Variants in POU2F2 observed in about 807,000 individuals in gnomAD.
POU2F2 encodes POU class 2 homeobox 2, also known as POU domain, class 2, transcription factor 2.
Under a neutral mutation model 63.5 loss-of-function variants are expected in POU2F2, and 14 were observed. The ratio of observed to expected loss-of-function variants is 0.22; its 90% confidence interval spans 0.15 to 0.34. The LOEUF (loss-of-function observed/expected upper bound fraction) is 0.34. Ranked by LOEUF, POU2F2 falls within the 10% of genes least tolerant of loss-of-function variation. The pLI, the probability that POU2F2 is intolerant of heterozygous loss-of-function variation, is 1.00. For synonymous variants in POU2F2, 306 were observed against 348.6 expected, an observed-to-expected ratio of 0.88 and a Z score of 1.36; for missense variants, 607 against 815.2, an observed-to-expected ratio of 0.74 and a Z score of 3.11.
At chr19:42,177,333 G>C (rs567840213), upstream of POU2F2, 1 of 153,170 alleles carries the variant, frequency 6.5e-6, no homozygotes, top group South Asian at 1.8e-4. Flanking sequence ...CTGAGCTGCC[G>C]GCGCGAGCCC....
intron 1 of POU2F2, among the ~76,000 whole-genome samples, chr19:42,194,488 G>A (rs778264782): frequency 3.3e-5 from 5 of 151,834 alleles, no homozygotes; most frequent in South Asian, 2.1e-4. Context: ...ATCGGGTGCC[G>A]TGGCTCATGC....
In POU2F2 at chr19:42,095,159, G is replaced by T; in HGVS notation, c.1197+127C>A. On this transcript the variant is annotated intron_variant, in intron 11 of 14. Transcript: ENST00000692977. This position sits in a 1 kb window ranked among gnomAD's most constrained non-coding sequence, Gnocchi z 7.1. ...TGTAACTGTGCCCATCTACGTGATG[G>T]CCTGTCTCCAAGAGTGACTCTTCTT... 1 of 1,211,796 alleles carries T rather than the reference G, an allele frequency of 8.3e-7. No homozygotes were observed. The highest frequency in any genetic ancestry group is 1.1e-6 in the Non-Finnish European group (1 of 893,070). 75.1% of individuals were successfully genotyped at this position (1,211,796 alleles called of 1,614,324 possible).
At chr19:42,132,223 G>C (rs2033811199) in intron 1 of POU2F2, among the ~76,000 whole-genome samples, 161 bp downstream of exon 1, 1 of 152,220 alleles carries the variant, frequency 6.6e-6, no homozygotes, top group African/African-American at 2.4e-5. Flanking sequence ...GAGGAGCTGT[G>C]GGGGTTAGCG....
At chr19:42,129,205 CA>C (rs1410544255) in intron 1 of POU2F2, among the ~76,000 whole-genome samples, 1 of 152,168 alleles carries the variant, frequency 6.6e-6, no homozygotes. Flanking sequence ...CATTCACACA[CA>C]AAAGATTGGT....
intron 5 of POU2F2, among the ~76,000 whole-genome samples, chr19:42,115,759 T>G (rs1374570699): frequency 1.3e-5 from 2 of 152,166 alleles, no homozygotes; most frequent in Non-Finnish European, 2.9e-5. Flanking sequence ...CAAAAAGATA[T>G]GTGGAAGCCC....
chr19:42,100,085 C>CTTTTTCT (rs2077075290), intron 5 of POU2F2, among the ~76,000 whole-genome samples: 1 of 77,068 alleles, frequency 1.3e-5, no homozygotes, highest in Non-Finnish European at 2.6e-5. Flanking sequence ...CCCTTTCTTT[C>CTTTTTCT]TTTTTTTTTT....
chr19:42,097,162 A>ATGC, intron 7 of POU2F2, among the ~76,000 whole-genome samples: 1 of 149,018 alleles, frequency 6.7e-6, no homozygotes, highest in South Asian at 2.1e-4. Context: ...ATTCTCCAAA[A>ATGC]TGCTGGGGCA....
chr19:42,100,047 A>C (rs1472127506), intron 5 of POU2F2, among the ~76,000 whole-genome samples: 1 of 143,712 alleles, frequency 7.0e-6, no homozygotes, highest in Non-Finnish European at 1.5e-5. Context: ...CCAACTGGGC[A>C]GTCCTGGGAG....
chr19:42,187,043 G>A (rs2035019826), intron 1 of POU2F2, among the ~76,000 whole-genome samples: 1 of 152,196 alleles, frequency 6.6e-6, no homozygotes, highest in South Asian at 2.1e-4. Context: ...CTGGGCTGAA[G>A]ATCTGGACAT....
intron 1 of POU2F2, among the ~76,000 whole-genome samples, chr19:42,127,676 C>T (rs1404664149): frequency 1.3e-5 from 2 of 152,102 alleles, no homozygotes; most frequent in South Asian, 2.1e-4. Flanking sequence ...CCACCACGCC[C>T]GGCCATAAGC....
At chr19:42,197,054 T>C (rs538687622), upstream of POU2F2, among the ~76,000 whole-genome samples, 2 of 152,312 alleles carry the variant, frequency 1.3e-5, no homozygotes, top group East Asian at 3.9e-4. Flanking sequence ...CTCAAGGGAA[T>C]GGCAGGTCCT....
chr19:42,124,854 AC>A (rs749195209), intron 1 of POU2F2, among the ~76,000 whole-genome samples: 67 of 152,202 alleles, frequency 4.4e-4, no homozygotes, highest in Admixed American at 2.2e-3. Flanking sequence ...AAATTCAAAA[AC>A]GGGCAAGCTG....
chr19:42,122,714 C>G, intron 1 of POU2F2, 138 bp from the exon 2 acceptor site: 1 of 754,174 alleles, frequency 1.3e-6, no homozygotes, highest in Non-Finnish European at 2.1e-6. Flanking sequence ...GTGTCTCTTC[C>G]CAAGAGACAT....
chr19:42,102,686 A>G (rs889267132), intron 5 of POU2F2, among the ~76,000 whole-genome samples: 13 of 150,998 alleles, frequency 8.6e-5, no homozygotes, highest in Non-Finnish European at 4.4e-5. Context: ...GAGGGAGGGG[A>G]AAAAAAATCC....
chr19:42,176,501 C>T (rs2034883488), upstream of POU2F2, among the ~76,000 whole-genome samples: 2 of 152,210 alleles, frequency 1.3e-5, no homozygotes, highest in South Asian at 4.1e-4. Context: ...CGCTCCTCCG[C>T]TCCTCCGTCC....
upstream of POU2F2, among the ~76,000 whole-genome samples, chr19:42,197,164 G>C (rs2035159918): frequency 6.6e-6 from 1 of 152,194 alleles, no homozygotes; most frequent in Non-Finnish European, 1.5e-5. Flanking sequence ...GGGCAAGGGA[G>C]TGGAATTCCC....
At chr19:42,128,446 GC>G in intron 1 of POU2F2, among the ~76,000 whole-genome samples, 1 of 152,058 alleles carries the variant, frequency 6.6e-6, no homozygotes, top group Non-Finnish European at 1.5e-5. Context: ...ACATATCCCT[GC>G]ATACTCCCTG....
intron 1 of POU2F2, among the ~76,000 whole-genome samples, chr19:42,185,404 C>G (rs918854197): frequency 2.0e-5 from 3 of 152,146 alleles, no homozygotes; most frequent in African/African-American, 7.2e-5. Context: ...TCCCCTGCTT[C>G]AAACTCTTAC....
At chr19:42,189,682 G>C (rs2037263085) in intron 1 of POU2F2, among the ~76,000 whole-genome samples, 1 of 152,266 alleles carries the variant, frequency 6.6e-6, no homozygotes, top group African/African-American at 2.4e-5. Flanking sequence ...CAAGCACGAG[G>C]GGAGCATAGC....
Sources: allele counts gnomAD v4.1 joint callset (sites outside exome capture counted in the v4.1 genomes callset), GRCh38; gene constraint gnomAD v4.1.1; non-coding constraint Gnocchi (gnomAD v3.1); transcripts MANE v1.5; gene names NCBI Gene and HGNC (gene_info 2026-07-23, HGNC 2026-07-21).